GSE1: variants seen among roughly 807,000 people sequenced by gnomAD.
GSE1 encodes genetic suppressor element 1.
A neutral mutation model predicts 112.6 loss-of-function variants in GSE1; 32 were observed. The observed-to-expected ratio is 0.28, with a 90% CI of 0.21 to 0.38. The LOEUF is 0.38. Ranked by LOEUF, GSE1 falls within the 10% of genes least tolerant of loss-of-function variation. The pLI is 1.00. For missense variants in GSE1, 2,348 were observed against 1,699.2 expected (o/e 1.38, Z -6.71); for synonymous variants, 1,115 against 735.6 (o/e 1.52, Z -8.35).
intron 2 of GSE1, among the ~76,000 whole-genome samples, chr16:85,501,195 G>A (rs142797471): frequency 2.4e-3 from 364 of 151,720 alleles, no homozygotes; most frequent in Middle Eastern, 0.02. Context: ...GTAGAGACGG[G>A]CTTTCACCGT....
chr16:85,670,977 C>CGTCT lies in GSE1; in HGVS notation c.3416-18_3416-17insGTCT. ...CTCCTGCATACGGAAAATACATCAC[C>CGTCT]ATCTCCTGTCTTTTCAGAGCAAAAT... On this transcript the variant is annotated splice_polypyrimidine_tract_variant and intron_variant, in intron 14 of 15. Transcript: ENST00000253458. The CGTCT allele has an allele frequency of 6.7e-7, 1 of 1,495,068 alleles. No individual in the cohort carries two copies. Among genetic ancestry groups the CGTCT allele is most frequent in the Non-Finnish European group, 9.3e-7 (1 of 1,071,982 alleles). 92.6% of individuals were successfully genotyped at this position (1,495,068 alleles called of 1,614,324 possible).
At chr16:85,170,689 CAGG>C in exon 1 of GSE1, 1 of 985,740 alleles carries the variant, frequency 1.0e-6, no homozygotes, top group Non-Finnish European at 1.2e-6. Context: ...CGTGCAGAAG[CAGG>C]AGAAGCTGGC....
intron 1 of GSE1, among the ~76,000 whole-genome samples, chr16:85,278,547 G>T (rs2044762727): frequency 1.3e-5 from 2 of 152,266 alleles, no homozygotes; most frequent in Middle Eastern, 3.4e-3. Flanking sequence ...TTTTTCAGGG[G>T]TATATTTTTA....
intron 2 of GSE1, among the ~76,000 whole-genome samples, chr16:85,386,265 C>T (rs952021985): frequency 1.3e-5 from 2 of 152,224 alleles, no homozygotes; most frequent in Non-Finnish European, 2.9e-5. Flanking sequence ...ATGCATCCTG[C>T]CTGCGTGCCT....
At chr16:85,548,946 C>A (rs1273361293) in intron 2 of GSE1, among the ~76,000 whole-genome samples, 1 of 152,118 alleles carries the variant, frequency 6.6e-6, no homozygotes, top group South Asian at 2.1e-4. Context: ...TGCGCCACCA[C>A]GTCCAGCTAA....
intron 2 of GSE1, among the ~76,000 whole-genome samples, chr16:85,375,584 T>A (rs1005745325): frequency 2.0e-5 from 3 of 152,094 alleles, no homozygotes; most frequent in Non-Finnish European, 4.4e-5. Flanking sequence ...AGCGGTGGGT[T>A]TGCTGGTGTT....
intron 2 of GSE1, among the ~76,000 whole-genome samples, chr16:85,635,137 G>T (rs2049880780): frequency 6.6e-6 from 1 of 152,188 alleles, no homozygotes; most frequent in African/African-American, 2.4e-5. Context: ...ACCAGGGCGG[G>T]CTGGGGGGAC....
intron 1 of GSE1, among the ~76,000 whole-genome samples, chr16:85,253,082 C>T (rs969606808): frequency 2.4e-5 from 3 of 122,778 alleles, no homozygotes; most frequent in Non-Finnish European, 5.3e-5. Flanking sequence ...CCCCCCCCCC[C>T]ACCAGCAGGC....
rs118147703 is a variant in GSE1, at chr16:85,238,628, G to C, written c.2283+66821G>C. Reference sequence around the variant, plus strand: ...ACTCCCCCTTGGAGGAGCCAGGCAGGGTTTGGGTCGGAGCTGGGGTAGAGG... The same window carrying C: ...ACTCCCCCTTGGAGGAGCCAGGCAGCGTTTGGGTCGGAGCTGGGGTAGAGG... On this transcript the variant is annotated intron_variant, in intron 1 of 2. Transcript: ENST00000637419. Among the ~76,000 whole-genome samples the C allele has an allele frequency of 9.4e-3, 1,436 of 152,304 alleles. 11 individuals carry two copies. Among genetic ancestry groups the C allele is most frequent in the Non-Finnish European group, 0.015 (1,006 of 68,034 alleles).
chr16:85,434,966 C>T (rs952386033), intron 2 of GSE1, among the ~76,000 whole-genome samples: 2 of 152,240 alleles, frequency 1.3e-5, no homozygotes, highest in Non-Finnish European at 1.5e-5. Flanking sequence ...AAGGCGGCTT[C>T]GTGGCTGTGC....
chr16:85,671,439 C>CAAAAAAAGAA (rs2053327188), intron 15 of GSE1, among the ~76,000 whole-genome samples: 1 of 61,310 alleles, frequency 1.6e-5, no homozygotes, highest in African/African-American at 6.7e-5. Flanking sequence ...GACTCCGTCT[C>CAAAAAAAGAA]AAAAAAAAAA....
intron 2 of GSE1, among the ~76,000 whole-genome samples, chr16:85,379,067 G>A (rs953745222): frequency 3.9e-5 from 6 of 152,060 alleles, no homozygotes; most frequent in South Asian, 2.1e-4. Context: ...CCACAGAGCC[G>A]CTATGACTCT....
At chr16:85,662,820 A>C in intron 9 of GSE1, 161 bp from the exon 10 acceptor site, 1 of 605,434 alleles carries the variant, frequency 1.7e-6, no homozygotes, top group Non-Finnish European at 3.0e-6. Flanking sequence ...GACTGGGTTA[A>C]TGTTGGTTTC....
chr16:85,636,070 G>A (rs542375300), intron 2 of GSE1, among the ~76,000 whole-genome samples: 77 of 152,374 alleles, frequency 5.1e-4, no homozygotes, highest in Admixed American at 1.2e-3. Flanking sequence ...ACAAAGTGCC[G>A]CTGGGCGCCC....
intron 1 of GSE1, among the ~76,000 whole-genome samples, chr16:85,625,299 C>T (rs545803051): frequency 2.6e-4 from 40 of 152,350 alleles, no homozygotes; most frequent in African/African-American, 7.5e-4. Context: ...CCTGACTTCC[C>T]GTCCCTCGCC....
At chr16:85,619,266 C>T (rs772672129) in intron 1 of GSE1, among the ~76,000 whole-genome samples, 2 of 152,232 alleles carry the variant, frequency 1.3e-5, no homozygotes, top group Non-Finnish European at 2.9e-5. Context: ...CCTGCCCTTC[C>T]TGCGCTCGGA....
chr16:85,453,225 G>A (rs1027200005), intron 2 of GSE1, among the ~76,000 whole-genome samples: 2 of 152,194 alleles, frequency 1.3e-5, no homozygotes, highest in Non-Finnish European at 2.9e-5. Context: ...AAGGAAAGCT[G>A]TTTTGGGGAG....
chr16:85,656,521 G>A lies in GSE1; in HGVS notation c.1168G>A (p.Glu390Lys), dbSNP rs1239456553. The A allele has an allele frequency of 4.5e-6, 7 of 1,549,280 alleles. No homozygotes were observed. The highest frequency in any genetic ancestry group is 2.4e-5 in the South Asian group (2 of 84,048). The part of the protein sequence containing the change: ...ERERELERQR[E>K]QRAREKELLA... Reference sequence around the variant, plus strand: ...CGAGCGCGAGCTGGAGCGCCAGCGGGAGCAGCGGGCCCGGGAGAAGGAGCT... The same window carrying A: ...CGAGCGCGAGCTGGAGCGCCAGCGGAAGCAGCGGGCCCGGGAGAAGGAGCT... The change falls in exon 7 of 16, where the codon GAG becomes AAG. Residue 390 changes from glutamate to lysine, a missense_variant. Glu to Lys is a moderately conservative substitution (Grantham distance 56). Coordinates refer to ENST00000253458, the MANE Select transcript of GSE1 (RefSeq NM_014615.5).
intron 1 of GSE1, among the ~76,000 whole-genome samples, chr16:85,278,398 G>A (rs1909584510): frequency 6.6e-6 from 1 of 152,178 alleles, no homozygotes. Context: ...GTCTGTGTTT[G>A]CCTGTTTTTC....
Sources: gnomAD v4.1 joint callset for allele counts (sites outside exome capture counted in the v4.1 genomes callset) on GRCh38, gnomAD v4.1.1 for gene constraint, MANE v1.5 for transcripts, NCBI Gene and HGNC (gene_info 2026-07-23, HGNC 2026-07-21) for gene names.